The following CACNA1A variants were observed in gnomAD, a reference collection of about 807,000 sequenced individuals.
CACNA1A encodes the protein calcium voltage-gated channel subunit alpha1 A, also known as voltage-dependent P/Q-type calcium channel subunit alpha-1A.
Under a neutral mutation model 262.4 loss-of-function variants are expected in CACNA1A, and 57 were observed. The ratio of observed to expected loss-of-function variants is 0.22; its 90% CI spans 0.18 to 0.27. The LOEUF is 0.27. CACNA1A is among the 10% of genes least tolerant of loss of function. CACNA1A has a pLI of 1.00. For synonymous variants in CACNA1A, 1,431 were observed against 1,419.3 expected, an observed-to-expected ratio of 1.01 and a Z score of -0.18; for missense variants, 2,526 against 3,562.8, an observed-to-expected ratio of 0.71 and a Z score of 7.41.
intron 5 of CACNA1A, among the ~76,000 whole-genome samples, chr19:13,361,004 C>T (rs1332924856): frequency 2.0e-5 from 3 of 152,058 alleles, no homozygotes; most frequent in Non-Finnish European, 2.9e-5. Flanking sequence ...GTAAATGTGC[C>T]GTGTGCATGG....
In CACNA1A at chr19:13,286,972, G is replaced by A. The variant is rs758040795; in HGVS notation, c.3090-6C>T. On this transcript the variant is annotated splice_polypyrimidine_tract_variant and splice_region_variant and intron_variant, in intron 19 of 46. Transcript: ENST00000360228. ...CCCCGGAGCCCTGGTTCTCTCTGAGGAAGGCAAGTGAATGAAAAAGAACCA... is the reference window on the plus strand; with the variant it reads ...CCCCGGAGCCCTGGTTCTCTCTGAGAAAGGCAAGTGAATGAAAAAGAACCA... 9 of 1,567,306 alleles carry A rather than the reference G, an allele frequency of 5.7e-6. No individual in the cohort carries two copies. Among genetic ancestry groups the A allele is most frequent in the African/African-American group, 5.5e-5 (4 of 73,128 alleles).
chr19:13,375,603 A>G (rs2059391518), intron 3 of CACNA1A, among the ~76,000 whole-genome samples: 1 of 151,910 alleles, frequency 6.6e-6, no homozygotes, highest in East Asian at 1.9e-4. Context: ...GCTTGGGCAA[A>G]ATAGGGAGAC....
chr19:13,274,065 A>C (rs2057089721), intron 24 of CACNA1A: 1 of 152,086 alleles, frequency 6.6e-6, no homozygotes, highest in South Asian at 2.1e-4. Flanking sequence ...TCAAATAGAC[A>C]CTGAAAAGCT....
intron 1 of CACNA1A, among the ~76,000 whole-genome samples, chr19:13,500,498 A>G (rs547787545): frequency 6.6e-6 from 1 of 152,292 alleles, no homozygotes; most frequent in South Asian, 2.1e-4. Context: ...ACTCCTTTCC[A>G]TAGATCCACA....
At chr19:13,218,463 A>C (rs2055101804) in intron 38 of CACNA1A, among the ~76,000 whole-genome samples, 1 of 152,192 alleles carries the variant, frequency 6.6e-6, no homozygotes, top group Non-Finnish European at 1.5e-5. Context: ...CACACACTGC[A>C]GGGAGAATTA....
chr19:13,418,374 G>A (rs532336760), intron 3 of CACNA1A, among the ~76,000 whole-genome samples: 87 of 152,208 alleles, frequency 5.7e-4, no homozygotes, highest in African/African-American at 1.9e-3. Flanking sequence ...AATTCAAAGC[G>A]CATTCTGGCT....
At chr19:13,406,484 T>C (rs1230275420) in intron 3 of CACNA1A, among the ~76,000 whole-genome samples, 4 of 94,294 alleles carry the variant, frequency 4.2e-5, no homozygotes, top group Non-Finnish European at 8.2e-5. Flanking sequence ...TATATATATA[T>C]ATATATATAT....
At chr19:13,245,519 A>G in intron 30 of CACNA1A, 1 of 530,688 alleles carries the variant, frequency 1.9e-6, no homozygotes, top group East Asian at 3.2e-5. Context: ...TCAGCTCCAC[A>G]GGGCTGGGGC....
intron 1 of CACNA1A, among the ~76,000 whole-genome samples, chr19:13,456,318 G>A (rs1264963549): frequency 6.6e-6 from 1 of 152,146 alleles, no homozygotes; most frequent in Non-Finnish European, 1.5e-5. Flanking sequence ...TAAAAGGCAA[G>A]TAACAGAATA....
chr19:13,310,175 G>A (rs1339267160), intron 12 of CACNA1A, among the ~76,000 whole-genome samples: 1 of 151,844 alleles, frequency 6.6e-6, no homozygotes, highest in Non-Finnish European at 1.5e-5. Context: ...ACAGTTTAAG[G>A]CGGGGCGTGG....
At chr19:13,261,781 AG>A in intron 25 of CACNA1A, 171 bp from the exon 26 acceptor site, 1 of 618,116 alleles carries the variant, frequency 1.6e-6, no homozygotes, top group East Asian at 2.8e-5. Context: ...TAAGCGTTGG[AG>A]GAGTTGGACT....
rs1015232670 is a variant in CACNA1A, at chr19:13,225,117, A to G, written c.5626-345T>C. On this transcript the variant is annotated intron_variant, in intron 37 of 46. Coordinates refer to ENST00000360228, the MANE Select transcript of CACNA1A (RefSeq NM_001127222.2). ...GCCCCGTTTCAGTCTGACCCCAAAG[A>G]AAAAGAGCACAAGCTGGATTTGAGC... 5 of 244,462 alleles carry G rather than the reference A, an allele frequency of 2.0e-5. No homozygotes were observed. In the East Asian group the frequency reaches 4.9e-4, roughly 24 times the overall value. The allele number at this position is 244,462 out of a possible 1,614,324, so 15.1% of individuals were successfully genotyped here. A position where few individuals can be genotyped will look rare whatever the true frequency, so the allele number is the denominator to read the frequency against.
At chr19:13,410,251 G>A (rs1179336271) in intron 3 of CACNA1A, among the ~76,000 whole-genome samples, 1 of 151,300 alleles carries the variant, frequency 6.6e-6, no homozygotes, top group Non-Finnish European at 1.5e-5. Flanking sequence ...TTTTGAGACA[G>A]GGTCTTGCTC....
At position 13,422,540 on chromosome 19, in the gene CACNA1A, T is replaced by G. The variant is rs199594105; in HGVS notation, c.539+30336A>C. On this transcript the variant is annotated intron_variant, in intron 3 of 46. Coordinates refer to ENST00000360228, the MANE Select transcript of CACNA1A (RefSeq NM_001127222.2). ...ACTCTGCATATTCCAAAGGAAGGACTGGCCCTTGGCTGGCTCCTGGAAAGA... is the reference window on the plus strand; with the variant it reads ...ACTCTGCATATTCCAAAGGAAGGACGGGCCCTTGGCTGGCTCCTGGAAAGA... Among the ~76,000 whole-genome samples, 23 of 152,360 alleles carry G rather than the reference T, an allele frequency of 1.5e-4. No individual in the cohort carries two copies. The East Asian group carries it at 4.2e-3, about 28-fold the overall frequency.
At chr19:13,358,905 T>A (rs956589924) in intron 6 of CACNA1A, among the ~76,000 whole-genome samples, 2 of 152,204 alleles carry the variant, frequency 1.3e-5, no homozygotes, top group Admixed American at 6.5e-5. Context: ...CCCTGTCCTG[T>A]CCCTTTCTCT....
intron 8 of CACNA1A, 137 bp downstream of exon 8, chr19:13,334,241 T>C: frequency 1.7e-6 from 1 of 602,710 alleles, no homozygotes; most frequent in Non-Finnish European, 3.0e-6. Context: ...TTGATAAAAT[T>C]TGGGACTACC....
chr19:13,415,229 T>G (rs528890714), intron 3 of CACNA1A, among the ~76,000 whole-genome samples: 1 of 151,290 alleles, frequency 6.6e-6, no homozygotes, highest in Admixed American at 6.6e-5. Context: ...CGGGTGTGTG[T>G]GCGGCGCGGA....
intron 3 of CACNA1A, among the ~76,000 whole-genome samples, chr19:13,380,165 T>A (rs1402639975): frequency 8.3e-6 from 1 of 120,662 alleles, no homozygotes; most frequent in Non-Finnish European, 1.7e-5. Flanking sequence ...GTGTCTGTAG[T>A]CCCAGCTACT....
At chr19:13,272,931 T>C (rs1240421705) in intron 24 of CACNA1A, 2 of 152,160 alleles carry the variant, frequency 1.3e-5, no homozygotes, top group East Asian at 1.9e-4. Context: ...AAATAGGTGA[T>C]AGAGGGGGAG....
Sources: gnomAD v4.1 joint callset for allele counts (sites outside exome capture counted in the v4.1 genomes callset) on GRCh38, gnomAD v4.1.1 for gene constraint, MANE v1.5 for transcripts, NCBI Gene and HGNC (gene_info 2026-07-23, HGNC 2026-07-21) for gene names.